ATXN2: variants seen among roughly 807,000 people sequenced by gnomAD.
ATXN2 encodes ataxin-2.
In ATXN2, 37 loss-of-function variants were observed where a neutral mutation model predicts 138.6. That is an observed-to-expected ratio of 0.27 (90% CI 0.21 to 0.35). The LOEUF (loss-of-function observed/expected upper bound fraction) is 0.35, where lower values mean the gene tolerates loss of function less well. Among genes scored for constraint, ATXN2 ranks in the 10% least tolerant of loss-of-function variants. The pLI, the probability that ATXN2 is intolerant of heterozygous loss-of-function variation, is 1.00. For synonymous variants in ATXN2, 549 were observed against 543.7 expected (o/e 1.01, Z -0.13); for missense variants, 1,216 against 1,480.3 (o/e 0.82, Z 2.93).
intron 1 of ATXN2, among the ~76,000 whole-genome samples, chr12:111,559,407 C>T (rs750559004): frequency 1.4e-4 from 21 of 151,424 alleles, no homozygotes; most frequent in Non-Finnish European, 2.4e-4. Context: ...CCAAAGATGA[C>T]GGTTTAACAA....
intron 1 of ATXN2, among the ~76,000 whole-genome samples, chr12:111,561,163 C>T (rs1411240050): frequency 2.0e-5 from 3 of 150,334 alleles, no homozygotes; most frequent in African/African-American, 4.9e-5. Context: ...CCAGCCTGGG[C>T]AATACAGCGA....
At chr12:111,493,800 TG>T (rs1165577316) in intron 14 of ATXN2, among the ~76,000 whole-genome samples, 1 of 151,688 alleles carries the variant, frequency 6.6e-6, no homozygotes, top group Non-Finnish European at 1.5e-5. Context: ...GGCTAATTTT[TG>T]TATTTTTAGT....
rs139021777 is a variant in ATXN2 at position 111,543,747 on chromosome 12, C to A, written c.571+8533G>T. 2.6e-3 allele frequency among the ~76,000 whole-genome samples: 403 copies of A among 152,218 alleles called. 14 individuals are homozygous for A. The highest frequency in any genetic ancestry group is 0.024 in the Admixed American group (363 of 15,274). Reference sequence around the variant, plus strand: ...AAAATGCTTAGAATAGAGTACATGGCGTATATGAACTCCCTGAAGAAACTG... The same window carrying A: ...AAAATGCTTAGAATAGAGTACATGGAGTATATGAACTCCCTGAAGAAACTG... On this transcript the variant is annotated intron_variant, in intron 5 of 24. Coordinates refer to ENST00000673436, the MANE Select transcript of ATXN2 (RefSeq NM_001372574.1).
chr12:111,455,006 G>T (rs768726009), intron 23 of ATXN2: 2 of 702,506 alleles, frequency 2.8e-6, no homozygotes, highest in South Asian at 3.0e-5. Context: ...TGCAGGGTGA[G>T]GACGCCCAAA....
chr12:111,478,973 AAC>A (rs1877021593), intron 18 of ATXN2: 1 of 236,566 alleles, frequency 4.2e-6, no homozygotes. Flanking sequence ...CACGCCACTG[AAC>A]TCCAGCCTGG....
chr12:111,560,205 C>T (rs532209472), intron 1 of ATXN2, among the ~76,000 whole-genome samples: 4 of 152,026 alleles, frequency 2.6e-5, no homozygotes, highest in Admixed American at 6.6e-5. Context: ...TTCAATCACT[C>T]GAGATTAAAA....
chr12:111,459,598 G>A (rs1034103325), intron 21 of ATXN2, among the ~76,000 whole-genome samples: 1 of 151,336 alleles, frequency 6.6e-6, no homozygotes, highest in Non-Finnish European at 1.5e-5. Flanking sequence ...GCATCACCAT[G>A]CCTGGCTGAT....
intron 14 of ATXN2, among the ~76,000 whole-genome samples, chr12:111,494,007 T>C (rs951893505): frequency 6.6e-6 from 1 of 152,122 alleles, no homozygotes; most frequent in African/African-American, 2.4e-5. Flanking sequence ...CTCGGCTCAC[T>C]GCAACCTGGG....
chr12:111,555,741 G>A (rs1882355813), intron 2 of ATXN2, 142 bp downstream of exon 2: 2 of 641,894 alleles, frequency 3.1e-6, no homozygotes, highest in African/African-American at 1.9e-5. Context: ...AACACATATA[G>A]GCTAATAACA....
intron 9 of ATXN2, among the ~76,000 whole-genome samples, chr12:111,517,007 C>T (rs1566037523): frequency 1.3e-5 from 2 of 152,020 alleles, no homozygotes; most frequent in Non-Finnish European, 2.9e-5. Context: ...AAAAAAAAGT[C>T]TTGACCTCAT....
At position 111,513,555 on chromosome 12, in the gene ATXN2, T is replaced by C. The variant is rs142695947; in HGVS notation, c.1376-16A>G. ...CTTGGAGGCCCTAAGGAAGAAACAG[T>C]GAACATCACATAAATTCCATGATAT... is the stretch of plus-strand genomic sequence containing the variant. On this transcript the variant is annotated splice_polypyrimidine_tract_variant and intron_variant, in intron 10 of 24. Coordinates refer to ENST00000673436, the MANE Select transcript of ATXN2 (RefSeq NM_001372574.1). 1.2e-6 allele frequency: 2 copies of C among 1,602,018 alleles called. No individual in the cohort carries two copies. Among genetic ancestry groups the C allele is most frequent in the South Asian group, 1.1e-5 (1 of 89,652 alleles).
At chr12:111,485,151 A>G (rs886832502) in intron 18 of ATXN2, 114 bp downstream of exon 18, 2 of 943,018 alleles carry the variant, frequency 2.1e-6, no homozygotes, top group African/African-American at 1.6e-5. Context: ...AAGCCAATGC[A>G]TAGCCTCATC....
chr12:111,488,587 C>G lies in ATXN2; in HGVS notation c.2129G>C (p.Ser710Thr), dbSNP rs769240482. The G allele has an allele frequency of 1.9e-6, 3 of 1,614,040 alleles. No homozygotes were observed. The Admixed American group carries it at 5.0e-5, about 27-fold the overall frequency. Reference protein sequence around the residue: ...NSPSISPSILSNTEHKRGPEV... With the variant: ...NSPSISPSILTNTEHKRGPEV... Reference sequence around the variant, plus strand: ...AGGTCCCCTCTTGTGCTCCGTGTTACTAAGTATTGAAGGGGAAATGCTGGG... The same window carrying G: ...AGGTCCCCTCTTGTGCTCCGTGTTAGTAAGTATTGAAGGGGAAATGCTGGG... The change falls in exon 15 of 25, where the codon AGT becomes ACT. Residue 710 changes from serine to threonine, a missense_variant. This residue lies in a region of ATXN2 where 490 missense variants were observed against 653.5 expected (regional missense o/e 0.75). Coordinates refer to ENST00000673436, the MANE Select transcript of ATXN2 (RefSeq NM_001372574.1).
intron 10 of ATXN2, among the ~76,000 whole-genome samples, chr12:111,515,737 C>G (rs1879817259): frequency 6.6e-6 from 1 of 152,174 alleles, no homozygotes. Flanking sequence ...CCAGAAAACA[C>G]CATCCCTGCT....
intron 1 of ATXN2, among the ~76,000 whole-genome samples, chr12:111,569,321 T>C (rs1468267325): frequency 6.6e-6 from 1 of 152,198 alleles, no homozygotes; most frequent in Non-Finnish European, 1.5e-5. Flanking sequence ...AATTAAGTAA[T>C]ATTCCATACA....
chr12:111,464,578 T>A, intron 21 of ATXN2, 84 bp downstream of exon 21: 1 of 1,030,150 alleles, frequency 9.7e-7, no homozygotes, highest in Non-Finnish European at 1.4e-6. Context: ...AAAATATTGT[T>A]CAACAAGTCT....
chr12:111,516,222 G>A lies in ATXN2; in HGVS notation c.1307C>T (p.Pro436Leu), dbSNP rs372817196. ...SRPPSRPSRPPSHPSAHGSPA... is the reference protein window; with the variant it reads ...SRPPSRPSRPLSHPSAHGSPA... ...AGAACCATGAGCAGAGGGGTGAGAC[G>A]GGGGTCTGGATGGCCGCGAGGGGGG... The change falls in exon 10 of 25, where the codon CCG becomes CTG. Residue 436 changes from proline (P) to leucine (L), a missense_variant. This residue lies in a region of ATXN2 where 401 missense variants were observed against 528.1 expected (regional missense o/e 0.76). Transcript: ENST00000673436. The surrounding 1 kb of genome is among the most constrained non-coding windows in gnomAD (Gnocchi z 5.0). The A allele has an allele frequency of 2.3e-5, 37 of 1,575,998 alleles. No homozygotes were observed. Among genetic ancestry groups the A allele is most frequent in the Non-Finnish European group, 2.9e-5 (34 of 1,167,636 alleles).
At chr12:111,494,830 G>GAGGGAGCGAAAACAAGGA (rs1878307208) in intron 14 of ATXN2, among the ~76,000 whole-genome samples, 2 of 152,064 alleles carry the variant, frequency 1.3e-5, no homozygotes, top group Non-Finnish European at 2.9e-5. Flanking sequence ...ACAAGGAAGG[G>GAGGGAGCGAAAACAAGGA]AGGGAGGGAA....
In ATXN2 at chr12:111,516,042, C is replaced by T. The variant is rs2135736517; in HGVS notation, c.1375+112G>A. The T allele has an allele frequency of 9.6e-7, 1 of 1,037,384 alleles. No homozygotes were observed. Among genetic ancestry groups the T allele is most frequent in the South Asian group, 1.8e-5 (1 of 55,220 alleles). The allele number at this position is 1,037,384 out of a possible 1,614,324, so 64.3% of individuals were successfully genotyped here. A position where few individuals can be genotyped will look rare whatever the true frequency, so the allele number is the denominator to read the frequency against. ...TAGTTTTAATAAACTAAAGTTAAAA[C>T]ACAGAAATTATAGGTTATTAAATAA... On this transcript the variant is annotated intron_variant, in intron 10 of 24. Coordinates refer to ENST00000673436, the MANE Select transcript of ATXN2 (RefSeq NM_001372574.1). The surrounding 1 kb of genome is among the most constrained non-coding windows in gnomAD (Gnocchi z 5.0).
Sources: allele counts gnomAD v4.1 joint callset (sites outside exome capture counted in the v4.1 genomes callset), GRCh38; gene constraint gnomAD v4.1.1; regional missense constraint gnomAD v4.1.1; non-coding constraint Gnocchi (gnomAD v3.1); transcripts MANE v1.5; gene names NCBI Gene and HGNC (gene_info 2026-07-23, HGNC 2026-07-21).